Variants in CABCOCO1 observed in about 807,000 individuals in gnomAD.
CABCOCO1 encodes ciliary-associated calcium-binding coiled-coil protein 1.
Under a neutral mutation model 35.7 loss-of-function variants are expected in CABCOCO1, and 28 were observed. The ratio of observed to expected loss-of-function variants is 0.78; its 90% confidence interval spans 0.58 to 1.07. The LOEUF is 1.07. Among genes scored for constraint, CABCOCO1 ranks in the 50% least tolerant of loss-of-function variants. CABCOCO1 has a pLI of 0.00. For synonymous variants in CABCOCO1, 95 were observed against 100.1 expected (o/e 0.95, Z 0.30); for missense variants, 326 against 309.2 (o/e 1.05, Z -0.41).
chr10:61,696,932 C>T (rs1840311881), intron 5 of CABCOCO1, among the ~76,000 whole-genome samples: 1 of 151,984 alleles, frequency 6.6e-6, no homozygotes, highest in South Asian at 2.1e-4. Context: ...TAAAGATATC[C>T]AACCTTAATA....
chr10:61,755,379 T>C (rs1351773677), intron 5 of CABCOCO1, among the ~76,000 whole-genome samples: 1 of 152,134 alleles, frequency 6.6e-6, no homozygotes, highest in African/African-American at 2.4e-5. Flanking sequence ...GGGAAAATAG[T>C]TAAAACATTA....
chr10:61,738,848 A>G (rs1841483016), intron 5 of CABCOCO1, among the ~76,000 whole-genome samples: 1 of 152,228 alleles, frequency 6.6e-6, no homozygotes, highest in African/African-American at 2.4e-5. Flanking sequence ...AAAAACAAAG[A>G]CACTCATAAT....
At chr10:61,669,280 A>AACATTATC (rs1839288106) in intron 1 of CABCOCO1, among the ~76,000 whole-genome samples, 1 of 152,012 alleles carries the variant, frequency 6.6e-6, no homozygotes, top group African/African-American at 2.4e-5. Context: ...ATTAGAGAAA[A>AACATTATC]ACATTATCTG....
chr10:61,685,625 A>C (rs1839933710), intron 3 of CABCOCO1, among the ~76,000 whole-genome samples: 1 of 152,184 alleles, frequency 6.6e-6, no homozygotes, highest in Non-Finnish European at 1.5e-5. Context: ...CAGTGGCACC[A>C]TCCCAGTTCA....
At chr10:61,724,627 C>G (rs1841099685) in intron 5 of CABCOCO1, among the ~76,000 whole-genome samples, 1 of 152,002 alleles carries the variant, frequency 6.6e-6, no homozygotes, top group Non-Finnish European at 1.5e-5. Flanking sequence ...ATGGGAAGGC[C>G]TTTGAAAATG....
At chr10:61,688,139 C>A (rs1342295491) in intron 4 of CABCOCO1, among the ~76,000 whole-genome samples, 2 of 152,018 alleles carry the variant, frequency 1.3e-5, no homozygotes, top group African/African-American at 4.8e-5. Flanking sequence ...TGCACATGTA[C>A]CCTTAAAGTT....
chr10:61,714,216 A>G (rs1432385497), intron 5 of CABCOCO1, among the ~76,000 whole-genome samples: 1 of 152,114 alleles, frequency 6.6e-6, no homozygotes, highest in Non-Finnish European at 1.5e-5. Context: ...CGGAGATTCA[A>G]CTTCTTCCTG....
chr10:61,685,372 A>T (rs1196282186), intron 3 of CABCOCO1: 1 of 152,238 alleles, frequency 6.6e-6, no homozygotes, highest in Non-Finnish European at 1.5e-5. Flanking sequence ...CAGCTGTCAA[A>T]CATCTTTTTT....
chr10:61,665,696 G>A (rs1839148158), intron 1 of CABCOCO1, among the ~76,000 whole-genome samples: 1 of 151,898 alleles, frequency 6.6e-6, no homozygotes, highest in East Asian at 1.9e-4. Flanking sequence ...GACCATCCTG[G>A]CTAACACGGT....
At chr10:61,753,480 G>A (rs1018965446) in intron 5 of CABCOCO1, among the ~76,000 whole-genome samples, 1 of 152,146 alleles carries the variant, frequency 6.6e-6, no homozygotes, top group Non-Finnish European at 1.5e-5. Flanking sequence ...AGTAGTTGAA[G>A]AGCTCCGGTA....
chr10:61,682,529 CT>C (rs1255031848), intron 3 of CABCOCO1, among the ~76,000 whole-genome samples: 1 of 152,106 alleles, frequency 6.6e-6, no homozygotes, highest in Non-Finnish European at 1.5e-5. Context: ...ATGGATCCCC[CT>C]GGTGTATGAT....
rs527450808 is a variant in CABCOCO1, at chr10:61,724,952, A to G, written c.552+34331A>G. ...GTTGTGCACATATACCCTAGAACTT[A>G]AAGTATAATAAAACAGGTTCATCTT... On this transcript the variant is annotated intron_variant, in intron 5 of 7. Coordinates refer to ENST00000648843, the MANE Select transcript of CABCOCO1 (RefSeq NM_001366906.2). Among the ~76,000 whole-genome samples the G allele has an allele frequency of 2.6e-5, 4 of 152,366 alleles. No homozygotes were observed. In the East Asian group the frequency reaches 7.7e-4, roughly 29 times the overall value.
chr10:61,674,355 T>C (rs1839446748), intron 2 of CABCOCO1, among the ~76,000 whole-genome samples: 1 of 152,180 alleles, frequency 6.6e-6, no homozygotes, highest in South Asian at 2.1e-4. Context: ...TTGACCTTTT[T>C]AGACTGTCTC....
At chr10:61,742,248 T>G (rs1229595215) in intron 5 of CABCOCO1, among the ~76,000 whole-genome samples, 1 of 152,158 alleles carries the variant, frequency 6.6e-6, no homozygotes, top group East Asian at 1.9e-4. Context: ...GCCGGGGACA[T>G]TAAGCTTGTC....
At chr10:61,717,211 A>G (rs962403772) in intron 5 of CABCOCO1, among the ~76,000 whole-genome samples, 3 of 152,318 alleles carry the variant, frequency 2.0e-5, no homozygotes, top group South Asian at 4.1e-4. Flanking sequence ...AAATTCTGAC[A>G]TAAGTTGGCT....
rs1842080275 is a variant in CABCOCO1, at chr10:61,765,103, T to C, written c.817-836T>C. Among the ~76,000 whole-genome samples, 2 of 152,190 alleles carry C rather than the reference T, an allele frequency of 1.3e-5. 1 individual carries two copies. The highest frequency in any genetic ancestry group is 4.1e-4 in the South Asian group (2 of 4,828). On this transcript the variant is annotated intron_variant, in intron 7 of 7. Coordinates refer to ENST00000648843, the MANE Select transcript of CABCOCO1 (RefSeq NM_001366906.2). Reference sequence around the variant, plus strand: ...CAAACTTTGAATTTATTAACACATATGTGTATAAGCTACTCCTTATACAGC... The same window carrying C: ...CAAACTTTGAATTTATTAACACATACGTGTATAAGCTACTCCTTATACAGC...
At chr10:61,692,892 T>A (rs542272845) in intron 5 of CABCOCO1, among the ~76,000 whole-genome samples, 1 of 152,264 alleles carries the variant, frequency 6.6e-6, no homozygotes, top group African/African-American at 2.4e-5. Flanking sequence ...GTTTGGAATA[T>A]AATCCTATCT....
At chr10:61,723,445 C>T (rs1020475118) in intron 5 of CABCOCO1, among the ~76,000 whole-genome samples, 8 of 152,136 alleles carry the variant, frequency 5.3e-5, no homozygotes, top group African/African-American at 9.7e-5. Context: ...TTAACATTTA[C>T]GTGACTGGCT....
chr10:61,708,207 G>A (rs141097489), intron 5 of CABCOCO1, among the ~76,000 whole-genome samples: 13 of 150,906 alleles, frequency 8.6e-5, no homozygotes, highest in Admixed American at 3.3e-4. Flanking sequence ...CCTAACTAGT[G>A]AGAGTGATTC....
Sources: allele counts gnomAD v4.1 joint callset (sites outside exome capture counted in the v4.1 genomes callset), GRCh38; gene constraint gnomAD v4.1.1; transcripts MANE v1.5; gene names NCBI Gene and HGNC (gene_info 2026-07-23, HGNC 2026-07-21).